Variants in ZNF608 observed in about 807,000 individuals in gnomAD.
The protein encoded by ZNF608 is renal carcinoma antigen NY-REN-36.
ZNF608 carries 12 observed loss-of-function variants against 109.0 expected under a neutral mutation model. The observed-to-expected ratio is 0.11, with a 90% CI of 0.07 to 0.18. The LOEUF is 0.18. Among genes scored for constraint, ZNF608 ranks in the 10% least tolerant of loss-of-function variants. The probability of loss-of-function intolerance (pLI) is 1.00; values close to 1 mark genes in which losing one functional copy is unlikely to be tolerated. For missense variants in ZNF608, 1,707 were observed against 1,879.3 expected (o/e 0.91, Z 1.70); for synonymous variants, 732 against 717.4 (o/e 1.02, Z -0.33).
rs1362443112 is a variant in ZNF608, at chr5:124,639,118, G to A, written c.4532+15C>T. 6.2e-7 allele frequency: 1 copy of A among 1,611,898 alleles called. No individual in the cohort carries two copies. The highest frequency in any genetic ancestry group is 1.7e-5 in the Admixed American group (1 of 59,996). Reference sequence around the variant, plus strand: ...TTTCTATCTACAACTAATTAAAAATGTAGAGGATATTTACCTTCTTTGTCC... The same window carrying A: ...TTTCTATCTACAACTAATTAAAAATATAGAGGATATTTACCTTCTTTGTCC... On this transcript the variant is annotated intron_variant, in intron 9 of 9. Transcript: ENST00000513986.
rs146938416 is a variant in ZNF608 at position 124,685,391 on chromosome 5, G to A, written c.1162+15623C>T. Among the ~76,000 whole-genome samples, 70 of 152,272 alleles carry A rather than the reference G, an allele frequency of 4.6e-4. No homozygotes were observed. In the East Asian group the frequency reaches 0.013, roughly 28 times the overall value. On this transcript the variant is annotated intron_variant, in intron 3 of 9. Transcript: ENST00000513986. ...GTTGTAGTGCCAGAATTCACAGAGC[G>A]AAAGAACAACACAAAATTAGGCTCC...
chr5:124,645,745 G>A (rs1392697702), intron 5 of ZNF608, among the ~76,000 whole-genome samples: 1 of 152,100 alleles, frequency 6.6e-6, no homozygotes, highest in African/African-American at 2.4e-5. Flanking sequence ...TGGGACAGCT[G>A]TTGAGGCCTG....
rs1750647953 is a variant in ZNF608, at chr5:124,648,599, G to C, written c.1785C>G (p.Ile595Met). 3 of 1,614,116 alleles carry C rather than the reference G, an allele frequency of 1.9e-6. No homozygotes were observed. The South Asian group carries it at 3.3e-5, about 18-fold the overall frequency. The change falls in exon 5 of 10, where the codon ATC becomes ATG. Residue 595 changes from isoleucine (I) to methionine (M), a missense_variant. This residue lies in a region of ZNF608 where 1,073 missense variants were observed against 1,133.5 expected (regional missense o/e 0.95). Coordinates refer to ENST00000513986, the MANE Select transcript of ZNF608 (RefSeq NM_020747.3). ...LEFEPDSEDK[I>M]SDCEEGLSNV... ...TACTCAATCCTTCCTCACAGTCCGA[G>C]ATCTTGTCCTCACTGTCAGGCTCGA...
chr5:124,730,957 A>G (rs1447710601), intron 2 of ZNF608, among the ~76,000 whole-genome samples: 1 of 152,222 alleles, frequency 6.6e-6, no homozygotes, highest in African/African-American at 2.4e-5. Context: ...TCCAGGAAGG[A>G]TTAAAACTGT....
upstream of ZNF608, among the ~76,000 whole-genome samples, chr5:124,747,016 A>G (rs2149912496): frequency 6.6e-6 from 1 of 151,904 alleles, no homozygotes; most frequent in Non-Finnish European, 1.5e-5. Flanking sequence ...TTCGAAACCT[A>G]AAGGATGTGA....
intron 3 of ZNF608, among the ~76,000 whole-genome samples, chr5:124,688,906 G>A (rs370983466): frequency 6.6e-6 from 1 of 152,146 alleles, no homozygotes; most frequent in Non-Finnish European, 1.5e-5. Flanking sequence ...ATTTAAAAGT[G>A]TATCTACCTA....
At chr5:124,658,422 C>T (rs993653631) in intron 3 of ZNF608, among the ~76,000 whole-genome samples, 1 of 152,204 alleles carries the variant, frequency 6.6e-6, no homozygotes, top group African/African-American at 2.4e-5. Flanking sequence ...TGTCTGTATA[C>T]ATTTGTACCA....
chr5:124,681,207 C>G (rs959550907), intron 3 of ZNF608, among the ~76,000 whole-genome samples: 5 of 152,172 alleles, frequency 3.3e-5, no homozygotes, highest in Admixed American at 2.0e-4. Context: ...AATCCCAACA[C>G]TTTGGGAGGC....
intron 8 of ZNF608, among the ~76,000 whole-genome samples, chr5:124,640,920 T>A (rs925306615): frequency 6.6e-6 from 1 of 152,196 alleles, no homozygotes; most frequent in Non-Finnish European, 1.5e-5. Context: ...TCCCTCCCTT[T>A]TTCTACAATT....
chr5:124,711,037 A>G (rs1397975199), intron 2 of ZNF608, among the ~76,000 whole-genome samples: 1 of 152,200 alleles, frequency 6.6e-6, no homozygotes, highest in Admixed American at 6.5e-5. Flanking sequence ...CAGGGTCAGG[A>G]GCAAAAACAA....
At chr5:124,718,121 G>C (rs1342104535) in intron 2 of ZNF608, among the ~76,000 whole-genome samples, 1 of 152,090 alleles carries the variant, frequency 6.6e-6, no homozygotes, top group Non-Finnish European at 1.5e-5. Context: ...TTTCAAAGTG[G>C]CATGGCACCA....
chr5:124,716,871 T>TC (rs1288503124), intron 2 of ZNF608, among the ~76,000 whole-genome samples: 1 of 151,876 alleles, frequency 6.6e-6, no homozygotes. Flanking sequence ...TCACCTGAGG[T>TC]CGGGAGTTGG....
intron 3 of ZNF608, among the ~76,000 whole-genome samples, chr5:124,655,720 A>G (rs1245256922): frequency 2.6e-5 from 4 of 152,172 alleles, no homozygotes; most frequent in Admixed American, 6.5e-5. Context: ...ATGATTTATC[A>G]CCATTTCTTT....
chr5:124,673,100 C>T (rs376986335), intron 3 of ZNF608, among the ~76,000 whole-genome samples: 2 of 152,116 alleles, frequency 1.3e-5, no homozygotes, highest in East Asian at 3.8e-4. Context: ...AATGAGGGGG[C>T]CTAACTTAAC....
chr5:124,745,895 A>C (rs986307910), intron 1 of ZNF608: 2 of 153,910 alleles, frequency 1.3e-5, no homozygotes, highest in African/African-American at 4.8e-5. Context: ...GTTATATAAA[A>C]AGTTAAATAC....
rs115908830 is a variant in ZNF608 at position 124,674,461 on chromosome 5, T to C, written c.1163-24764A>G. 2.9e-3 allele frequency among the ~76,000 whole-genome samples: 443 copies of C among 152,348 alleles called. 4 individuals are homozygous for C. The highest frequency in any genetic ancestry group is 0.01 in the African/African-American group (428 of 41,578). ...TCCAGCCTAGTTTAGTGGTTCTCAG[T>C]TCTCACTGCTCATCAGAATAACTTG... On this transcript the variant is annotated intron_variant, in intron 3 of 9. Coordinates refer to ENST00000513986, the MANE Select transcript of ZNF608 (RefSeq NM_020747.3).
chr5:124,669,748 A>G (rs1046207591), intron 3 of ZNF608, among the ~76,000 whole-genome samples: 1 of 151,994 alleles, frequency 6.6e-6, no homozygotes, highest in African/African-American at 2.4e-5. Flanking sequence ...TGTTTTCCCA[A>G]AACTCGCCAG....
chr5:124,685,705 C>G (rs1349477329), intron 3 of ZNF608, among the ~76,000 whole-genome samples: 3 of 151,964 alleles, frequency 2.0e-5, no homozygotes, highest in Non-Finnish European at 2.9e-5. Context: ...AGAGGAGGAA[C>G]TCAGTACGCG....
chr5:124,642,945 C>T (rs941639912), intron 7 of ZNF608, among the ~76,000 whole-genome samples: 9 of 152,042 alleles, frequency 5.9e-5, no homozygotes, highest in African/African-American at 2.2e-4. Context: ...GATCTGCCCG[C>T]CTCGGCCTCC....
Sources: allele counts gnomAD v4.1 joint callset (sites outside exome capture counted in the v4.1 genomes callset), GRCh38; gene constraint gnomAD v4.1.1; regional missense constraint gnomAD v4.1.1; transcripts MANE v1.5; gene names NCBI Gene and HGNC (gene_info 2026-07-23, HGNC 2026-07-21).